Variants in RLN2 observed in about 807,000 individuals in gnomAD.
RLN2 encodes relaxin 2, also known as prorelaxin H2.
Under a neutral mutation model 7.3 loss-of-function variants are expected in RLN2, and 10 were observed. That is an observed-to-expected ratio of 1.36 (90% CI 0.84 to 2.31). RLN2 has a LOEUF of 2.31. Ranked by LOEUF, RLN2 falls within the 30% of genes most tolerant of loss-of-function variation. The pLI is 0.00. For missense variants in RLN2, 298 were observed against 217.6 expected, an observed-to-expected ratio of 1.37 and a Z score of -2.32; for synonymous variants, 103 against 82.3, an observed-to-expected ratio of 1.25 and a Z score of -1.36.
the RLN2 span, among the ~76,000 whole-genome samples, chr9:5,326,697 C>T: frequency 2.0e-5 from 3 of 151,954 alleles, no homozygotes; most frequent in African/African-American, 4.8e-5. Context: ...CTATTTTTAG[C>T]GTTCTTGTTT....
chr9:5,330,883 C>G, the RLN2 span, among the ~76,000 whole-genome samples: 1 of 150,940 alleles, frequency 6.6e-6, no homozygotes, highest in Non-Finnish European at 1.5e-5. Context: ...AGAGAAGAAT[C>G]AAAGAGATGC....
chr9:5,304,530 G>C lies in RLN2; in HGVS notation c.51C>G (p.Asn17Lys). 1 of 1,613,876 alleles carries C rather than the reference G, an allele frequency of 6.2e-7. No homozygotes were observed. The highest frequency in any genetic ancestry group is 8.5e-7 in the Non-Finnish European group (1 of 1,179,938). Residue 17 changes from asparagine to lysine, a missense_variant, in exon 1 of 2, where the codon AAC becomes AAG. Asn to Lys is a moderately conservative substitution (Grantham distance 94). Transcript: ENST00000381627. ...FHLLGVCLLLNQFSRAVADSW... is the reference protein window; with the variant it reads ...FHLLGVCLLLKQFSRAVADSW... ...AGTCCGCGACTGCTCTGGAAAATTGGTTCAGTAGTAAACAGACTCCTAGCA... is the reference window on the plus strand; with the variant it reads ...AGTCCGCGACTGCTCTGGAAAATTGCTTCAGTAGTAAACAGACTCCTAGCA...
chr9:5,309,930 G>A, the RLN2 span, among the ~76,000 whole-genome samples: 1 of 151,978 alleles, frequency 6.6e-6, no homozygotes, highest in Non-Finnish European at 1.5e-5. Flanking sequence ...ACTAGAACTA[G>A]GGAAAGGCAG....
At chr9:5,311,828 CT>C in the RLN2 span, 8,174 of 499,592 alleles carry the variant, frequency 0.016, 239 homozygotes, top group African/African-American at 0.092. Context: ...TATTTTTTTT[CT>C]TTTTTTTTTA....
At chr9:5,329,293 G>C in the RLN2 span, among the ~76,000 whole-genome samples, 2 of 128,796 alleles carry the variant, frequency 1.6e-5, no homozygotes, top group South Asian at 2.6e-4. Flanking sequence ...CTGGGCGACA[G>C]AGCGAGACTC....
At chr9:5,316,015 T>A in the RLN2 span, among the ~76,000 whole-genome samples, 1 of 152,038 alleles carries the variant, frequency 6.6e-6, no homozygotes, top group East Asian at 1.9e-4. Flanking sequence ...GAGTATCAAA[T>A]TCACTGGTAA....
chr9:5,309,627 T>TG (rs1816312829), upstream of RLN2, among the ~76,000 whole-genome samples: 1 of 152,060 alleles, frequency 6.6e-6, no homozygotes, highest in Admixed American at 6.6e-5. Context: ...ACATGATGGA[T>TG]CTTTTGCTAA....
At position 5,304,360 on chromosome 9, in the gene RLN2, G is replaced by GTC. The variant is rs1816192943; in HGVS notation, c.211+9_211+10insGA. On this transcript the variant is annotated intron_variant, in intron 1 of 1. Transcript: ENST00000381627. ...GCGCGGGAAGGCCGGGAGGGGGCGG[G>GTC]AGCTCTCACCTGCCACTGGTCTAGG... 6.4e-7 allele frequency: 1 copy of GTC among 1,569,818 alleles called. No individual in the cohort carries two copies. The highest frequency in any genetic ancestry group is 8.7e-7 in the Non-Finnish European group (1 of 1,155,146).
the RLN2 span, among the ~76,000 whole-genome samples, chr9:5,316,725 A>G: frequency 1.3e-5 from 2 of 151,762 alleles, no homozygotes; most frequent in Non-Finnish European, 2.9e-5. Context: ...CCAAGTCTTT[A>G]CTATTGTGAA....
chr9:5,323,307 A>G, the RLN2 span, among the ~76,000 whole-genome samples: 1 of 151,974 alleles, frequency 6.6e-6, no homozygotes, highest in African/African-American at 2.4e-5. Flanking sequence ...TCTGTCTAAT[A>G]TCAATTTAAT....
the RLN2 span, among the ~76,000 whole-genome samples, chr9:5,310,979 G>C: frequency 6.6e-6 from 1 of 151,970 alleles, no homozygotes; most frequent in Non-Finnish European, 1.5e-5. Context: ...ATTTAGATCT[G>C]AGTGTTTGCT....
the RLN2 span, among the ~76,000 whole-genome samples, chr9:5,320,109 C>T: frequency 6.6e-6 from 1 of 151,424 alleles, no homozygotes; most frequent in Non-Finnish European, 1.5e-5. Flanking sequence ...CCTCAGCCTC[C>T]CAAGTAGTAA....
chr9:5,307,085 G>C (rs1816264470), upstream of RLN2, among the ~76,000 whole-genome samples: 1 of 152,006 alleles, frequency 6.6e-6, no homozygotes, highest in African/African-American at 2.4e-5. Context: ...AGGTCTATAT[G>C]CTTAGACACA....
the RLN2 span, among the ~76,000 whole-genome samples, chr9:5,321,761 A>C: frequency 2.0e-4 from 31 of 151,952 alleles, no homozygotes; most frequent in South Asian, 6.4e-3. Flanking sequence ...AAAAAGGAGA[A>C]AGCAAGAACA....
the RLN2 span, among the ~76,000 whole-genome samples, chr9:5,324,670 C>G: frequency 6.6e-5 from 10 of 152,000 alleles, no homozygotes; most frequent in African/African-American, 2.4e-4. Context: ...AAGAAAAGCA[C>G]TGAGTAAAAT....
chr9:5,305,710 C>G (rs1203854567), upstream of RLN2, among the ~76,000 whole-genome samples: 1 of 151,924 alleles, frequency 6.6e-6, no homozygotes, highest in African/African-American at 2.4e-5. Context: ...TAGTTCAGCT[C>G]CATCAGATAA....
At chr9:5,334,730 A>G in the RLN2 span, among the ~76,000 whole-genome samples, 3 of 152,050 alleles carry the variant, frequency 2.0e-5, no homozygotes, top group African/African-American at 7.3e-5. Flanking sequence ...GGAAAAAAAG[A>G]AATTAAAAAG....
chr9:5,308,789 G>A (rs1291252958), upstream of RLN2, among the ~76,000 whole-genome samples: 1 of 152,082 alleles, frequency 6.6e-6, no homozygotes, highest in Non-Finnish European at 1.5e-5. Flanking sequence ...ACTCAAGAGA[G>A]CCAGACACAG....
At chr9:5,310,937 C>T in the RLN2 span, among the ~76,000 whole-genome samples, 1 of 152,080 alleles carries the variant, frequency 6.6e-6, no homozygotes, top group African/African-American at 2.4e-5. Flanking sequence ...TTTACCTTCA[C>T]TTATTCCTTC....
Sources: gnomAD v4.1 joint callset for allele counts (sites outside exome capture counted in the v4.1 genomes callset) on GRCh38, gnomAD v4.1.1 for gene constraint, MANE v1.5 for transcripts, NCBI Gene and HGNC (gene_info 2026-07-23, HGNC 2026-07-21) for gene names.